ARHGAP22: variants seen among roughly 807,000 people sequenced by gnomAD.
ARHGAP22 encodes rho GTPase-activating protein 22.
ARHGAP22 carries 48 observed loss-of-function variants against 59.1 expected under a neutral mutation model. The observed-to-expected ratio is 0.81, with a 90% CI of 0.64 to 1.03. The LOEUF (loss-of-function observed/expected upper bound fraction) is 1.03, where lower values mean the gene tolerates loss of function less well. Ranked by LOEUF, ARHGAP22 falls within the 50% of genes least tolerant of loss-of-function variation. The probability of loss-of-function intolerance (pLI) is 0.00; values close to 1 mark genes in which losing one functional copy is unlikely to be tolerated. For synonymous variants in ARHGAP22, 445 were observed against 416.4 expected (o/e 1.07, Z -0.84); for missense variants, 1,015 against 958.7 (o/e 1.06, Z -0.78).
At chr10:48,433,248 A>G in the ARHGAP22 span, among the ~76,000 whole-genome samples, 1 of 152,206 alleles carries the variant, frequency 6.6e-6, no homozygotes, top group African/African-American at 2.4e-5. Flanking sequence ...TTAACAATGC[A>G]TTTAAAAGTC....
At chr10:48,459,634 G>A in intron 5 of ARHGAP22, 50 bp downstream of exon 5, 1 of 1,598,148 alleles carries the variant, frequency 6.3e-7, no homozygotes, top group Non-Finnish European at 8.6e-7. Context: ...AGGAGCCCCT[G>A]CAGGAGGAAT....
Position 48,555,467 on chromosome 10 carries a change from G to C in ARHGAP22, c.318C>G (p.Ser106Arg). ...CTGGAAGGTGCTCAGGCCTACCTGG[G>C]CTGATCTCAAAGAGGTGCTTCCCTG... ...EDPGKHLFEI[S>R]PGGAGEREKV... The change falls in exon 3 of 10, where the codon AGC (serine) becomes AGG (arginine). Residue 106 changes from serine (S) to arginine (R), a missense_variant. Ser to Arg is a moderately radical substitution (Grantham distance 110). Transcript: ENST00000249601. 1 of 1,613,982 alleles carries C rather than the reference G, an allele frequency of 6.2e-7. No homozygotes were observed. Among genetic ancestry groups the C allele is most frequent in the Non-Finnish European group, 8.5e-7 (1 of 1,179,934 alleles).
chr10:48,477,580 G>A (rs1210798180), intron 4 of ARHGAP22, among the ~76,000 whole-genome samples: 1 of 152,220 alleles, frequency 6.6e-6, no homozygotes, highest in East Asian at 1.9e-4. Context: ...AGCAGACACT[G>A]CTGATTTCCC....
chr10:48,453,740 C>T (rs1375496515), intron 7 of ARHGAP22, among the ~76,000 whole-genome samples: 1 of 152,246 alleles, frequency 6.6e-6, no homozygotes, highest in Non-Finnish European at 1.5e-5. Context: ...CCTGCATTCC[C>T]CTTCTCAGTG....
chr10:48,533,303 T>C (rs1472877621), intron 3 of ARHGAP22, among the ~76,000 whole-genome samples: 2 of 152,000 alleles, frequency 1.3e-5, no homozygotes, highest in Admixed American at 1.3e-4. Flanking sequence ...CCATAAGGAC[T>C]GGTATTCTTT....
the ARHGAP22 span, chr10:48,439,289 A>G: frequency 2.7e-5 from 4 of 149,750 alleles, no homozygotes; most frequent in South Asian, 6.6e-4. Flanking sequence ...AATGTAAACA[A>G]TGTTATCTAG....
chr10:48,476,013 C>T (rs1025910348), intron 4 of ARHGAP22, among the ~76,000 whole-genome samples: 7 of 152,176 alleles, frequency 4.6e-5, no homozygotes, highest in African/African-American at 1.4e-4. Flanking sequence ...TCACCAAACC[C>T]TAACCCTATC....
At chr10:48,592,213 T>TAAAAGA (rs2059801155) in intron 1 of ARHGAP22, among the ~76,000 whole-genome samples, 1 of 152,190 alleles carries the variant, frequency 6.6e-6, no homozygotes, top group Non-Finnish European at 1.5e-5. Flanking sequence ...AGACAGAGTC[T>TAAAAGA]CACCACTACA....
At chr10:48,524,270 C>T in intron 3 of ARHGAP22, 1 of 221,614 alleles carries the variant, frequency 4.5e-6, no homozygotes, top group Middle Eastern at 2.3e-3. Context: ...CGCGGCCCCG[C>T]GCAGCGGGCA....
intron 3 of ARHGAP22, among the ~76,000 whole-genome samples, chr10:48,554,743 A>C (rs2057173888): frequency 6.6e-6 from 1 of 152,294 alleles, no homozygotes; most frequent in East Asian, 1.9e-4. Context: ...CACTGTGTCC[A>C]GAAGCCCCTG....
chr10:48,533,305 G>T lies in ARHGAP22; in HGVS notation c.322+22158C>A, dbSNP rs189088526. Among the ~76,000 whole-genome samples, 275 of 151,802 alleles carry T rather than the reference G, an allele frequency of 1.8e-3. 3 individuals carry two copies. The highest frequency in any genetic ancestry group is 6.4e-3 in the African/African-American group (265 of 41,424). On this transcript the variant is annotated intron_variant, in intron 3 of 9. Transcript: ENST00000249601. The stretch of plus-strand genomic sequence containing the variant: ...AAAGCTCTAGATCCCATAAGGACTG[G>T]TATTCTTTTTTCTTTCTGTTGATGA...
intron 1 of ARHGAP22, among the ~76,000 whole-genome samples, chr10:48,638,705 G>T (rs146258813): frequency 2.4e-4 from 37 of 152,140 alleles, no homozygotes; most frequent in Admixed American, 2.2e-3. Context: ...TATGTGCCAG[G>T]CATAATTCTA....
Position 48,605,073 on chromosome 10 carries a change from T to G in ARHGAP22, c.-277A>C. ...TCAGTAATCACTGCTGATCAATCAC[T>G]GGACCAGGGCGGGGCAGTCCCTCCG... is the stretch of plus-strand genomic sequence containing the variant. On this transcript the variant is annotated 5_prime_UTR_variant, in exon 1 of 10. Coordinates refer to ENST00000249601, the MANE Select transcript of ARHGAP22 (RefSeq NM_021226.4). The G allele has an allele frequency of 7.5e-7, 1 of 1,332,966 alleles. No individual in the cohort carries two copies. The highest frequency in any genetic ancestry group is 3.1e-5 in the East Asian group (1 of 32,132). 82.6% of individuals were successfully genotyped at this position (1,332,966 alleles called of 1,614,324 possible).
chr10:48,498,192 GC>G (rs2134325702), intron 3 of ARHGAP22, among the ~76,000 whole-genome samples: 1 of 152,202 alleles, frequency 6.6e-6, no homozygotes, highest in Non-Finnish European at 1.5e-5. Flanking sequence ...GAGAAAGCTG[GC>G]CCGAGCAGGA....
intron 5 of ARHGAP22, among the ~76,000 whole-genome samples, chr10:48,459,352 G>A (rs1234427425): frequency 4.1e-5 from 1 of 24,150 alleles, no homozygotes; most frequent in African/African-American, 4.7e-5. Flanking sequence ...CCCCGCAGAA[G>A]GCCTGGGGTC....
chr10:48,541,210 T>A (rs2055897041), intron 3 of ARHGAP22, among the ~76,000 whole-genome samples: 1 of 152,032 alleles, frequency 6.6e-6, no homozygotes, highest in South Asian at 2.1e-4. Context: ...TGTACTTGGG[T>A]TTGGTTTCTC....
At chr10:48,651,377 C>T (rs1472034963) in intron 1 of ARHGAP22, among the ~76,000 whole-genome samples, 1 of 152,084 alleles carries the variant, frequency 6.6e-6, no homozygotes, top group Non-Finnish European at 1.5e-5. Context: ...CCCATGCAGC[C>T]CAGCACCTGC....
intron 3 of ARHGAP22, among the ~76,000 whole-genome samples, chr10:48,526,278 A>T (rs2054314382): frequency 6.6e-6 from 1 of 152,188 alleles, no homozygotes; most frequent in East Asian, 1.9e-4. Context: ...CCCAGGAGTT[A>T]AGTCTTCATT....
At chr10:48,475,364 A>G (rs1455067598) in intron 4 of ARHGAP22, among the ~76,000 whole-genome samples, 1 of 152,092 alleles carries the variant, frequency 6.6e-6, no homozygotes, top group East Asian at 1.9e-4. Flanking sequence ...CTATGTGCTG[A>G]TGGCCCCCTA....
Sources: allele counts gnomAD v4.1 joint callset (sites outside exome capture counted in the v4.1 genomes callset), GRCh38; gene constraint gnomAD v4.1.1; transcripts MANE v1.5; gene names NCBI Gene and HGNC (gene_info 2026-07-23, HGNC 2026-07-21).